The following TUSC3 variants were observed in gnomAD, a reference collection of about 807,000 sequenced individuals.
TUSC3 encodes dolichyl-diphosphooligosaccharide--protein glycosyltransferase subunit TUSC3.
TUSC3 carries 45 observed loss-of-function variants against 44.8 expected under a neutral mutation model. That is an observed-to-expected ratio of 1.00 (90% CI 0.79 to 1.29). The LOEUF (loss-of-function observed/expected upper bound fraction) is 1.29, where lower values mean the gene tolerates loss of function less well. Ranked by LOEUF, TUSC3 falls within the 50% of genes most tolerant of loss-of-function variation. The probability of loss-of-function intolerance (pLI) is 0.00; values close to 1 mark genes in which losing one functional copy is unlikely to be tolerated. For missense variants in TUSC3, 519 were observed against 437.9 expected (o/e 1.19, Z -1.65); for synonymous variants, 212 against 152.9 (o/e 1.39, Z -2.85).
chr8:15,623,823 T>C (rs1805364195), intron 2 of TUSC3, among the ~76,000 whole-genome samples: 2 of 152,142 alleles, frequency 1.3e-5, no homozygotes, highest in African/African-American at 4.8e-5. Context: ...TTTTACCCAG[T>C]TTCCTCCAGT....
At chr8:15,572,137 C>T (rs1330045880) in intron 1 of TUSC3, among the ~76,000 whole-genome samples, 3 of 152,170 alleles carry the variant, frequency 2.0e-5, no homozygotes, top group African/African-American at 7.2e-5. Flanking sequence ...GCCATGGCAT[C>T]GCCTTCCAGT....
intron 2 of TUSC3, among the ~76,000 whole-genome samples, chr8:15,506,824 T>C (rs1801058182): frequency 6.6e-6 from 1 of 152,050 alleles, no homozygotes; most frequent in South Asian, 2.1e-4. Flanking sequence ...TCACAGCCAT[T>C]CCAGAAAGGG....
At chr8:15,751,152 T>C (rs138132945) in intron 9 of TUSC3, among the ~76,000 whole-genome samples, 444 of 152,270 alleles carry the variant, frequency 2.9e-3, no homozygotes, top group Non-Finnish European at 5.4e-3. Flanking sequence ...GGTTGCTCTG[T>C]TAGGCAACTT....
intron 6 of TUSC3, among the ~76,000 whole-genome samples, chr8:15,722,866 C>T (rs1810356466): frequency 6.6e-6 from 1 of 151,768 alleles, no homozygotes; most frequent in South Asian, 2.1e-4. Flanking sequence ...AGAAGTTTTC[C>T]CTGAATATAT....
intron 1 of TUSC3, among the ~76,000 whole-genome samples, chr8:15,470,980 A>AATGT (rs1800484747): frequency 6.6e-6 from 1 of 152,188 alleles, no homozygotes; most frequent in African/African-American, 2.4e-5. Flanking sequence ...TGAATGAATG[A>AATGT]ATAAAAATTA....
chr8:15,754,730 T>A (rs1045960956), intron 9 of TUSC3, among the ~76,000 whole-genome samples: 1 of 152,180 alleles, frequency 6.6e-6, no homozygotes, highest in Non-Finnish European at 1.5e-5. Context: ...ACCACTGATA[T>A]ACAGGACTGT....
rs938129353 is a variant in TUSC3, at chr8:15,532,671, A to C, written n.189+49188A>C. Among the ~76,000 whole-genome samples, 5 of 152,176 alleles carry C rather than the reference A, an allele frequency of 3.3e-5. No homozygotes were observed. In the East Asian group the frequency reaches 9.6e-4, roughly 29 times the overall value. On this transcript the variant is annotated intron_variant and non_coding_transcript_variant, in intron 2 of 5. Transcript: ENST00000503191. Reference sequence around the variant, plus strand: ...TGATATGGTTTGGTTCTGTGTCCCCACCCAAATCTCATCTGTAGCTCCCAT... The same window carrying C: ...TGATATGGTTTGGTTCTGTGTCCCCCCCCAAATCTCATCTGTAGCTCCCAT...
intron 1 of TUSC3, among the ~76,000 whole-genome samples, chr8:15,608,909 T>A (rs1804646998): frequency 6.6e-6 from 1 of 152,108 alleles, no homozygotes; most frequent in African/African-American, 2.4e-5. Flanking sequence ...CCAAAAGAAA[T>A]CTTTGATTCT....
At chr8:15,581,830 C>T (rs1380749600) in intron 1 of TUSC3, among the ~76,000 whole-genome samples, 2 of 125,002 alleles carry the variant, frequency 1.6e-5, no homozygotes, top group Non-Finnish European at 3.2e-5. Flanking sequence ...CCTCCTTGAG[C>T]TGTGGTGGGC....
chr8:15,742,287 T>A (rs1345570325), intron 7 of TUSC3, among the ~76,000 whole-genome samples: 1 of 141,022 alleles, frequency 7.1e-6, no homozygotes, highest in Non-Finnish European at 1.6e-5. Flanking sequence ...TTCTTTATTT[T>A]CCTTTTTTCT....
At chr8:15,657,081 G>A (rs1020299919) in intron 3 of TUSC3, among the ~76,000 whole-genome samples, 1 of 152,124 alleles carries the variant, frequency 6.6e-6, no homozygotes, top group African/African-American at 2.4e-5. Context: ...GCTCTGAAAT[G>A]CCTTCAGGGT....
chr8:15,679,506 C>T (rs1193478542), intron 6 of TUSC3, among the ~76,000 whole-genome samples: 1 of 152,088 alleles, frequency 6.6e-6, no homozygotes, highest in Non-Finnish European at 1.5e-5. Flanking sequence ...AGTCCTTTAT[C>T]AGATACATAG....
At chr8:15,443,336 TTGTGTGTGTGTGTGTG>T (rs57905950) in intron 1 of TUSC3, among the ~76,000 whole-genome samples, 235 of 132,996 alleles carry the variant, frequency 1.8e-3, no homozygotes, top group African/African-American at 5.5e-3. Context: ...ACCCACCTAA[TTGTGTGTGTGTGTGTG>T]TGTGTGTGTG....
At chr8:15,575,630 G>A (rs1024053091) in intron 1 of TUSC3, among the ~76,000 whole-genome samples, 1 of 152,034 alleles carries the variant, frequency 6.6e-6, no homozygotes, top group African/African-American at 2.4e-5. Flanking sequence ...AATTGAGAAT[G>A]GTGGCGGGCA....
intron 6 of TUSC3, among the ~76,000 whole-genome samples, chr8:15,719,047 C>T (rs1360457287): frequency 6.6e-6 from 1 of 152,072 alleles, no homozygotes; most frequent in Non-Finnish European, 1.5e-5. Flanking sequence ...TTTACGTCAT[C>T]AGCATCTTTT....
At chr8:15,530,211 C>G (rs1310750960) in intron 2 of TUSC3, among the ~76,000 whole-genome samples, 1 of 151,970 alleles carries the variant, frequency 6.6e-6, no homozygotes, top group Non-Finnish European at 1.5e-5. Flanking sequence ...GACAGTTTGA[C>G]AAGTCACTGA....
the TUSC3 span, among the ~76,000 whole-genome samples, chr8:15,780,592 A>G: frequency 6.6e-6 from 1 of 152,198 alleles, no homozygotes. Context: ...GCTGCTGACC[A>G]TTAGCTTCTG....
chr8:15,487,345 T>C (rs1800746551), intron 2 of TUSC3, among the ~76,000 whole-genome samples: 1 of 152,182 alleles, frequency 6.6e-6, no homozygotes, highest in African/African-American at 2.4e-5. Flanking sequence ...CCTTCTGCTG[T>C]GTTCATCAGT....
intron 2 of TUSC3, among the ~76,000 whole-genome samples, chr8:15,635,095 G>T (rs189238973): frequency 6.6e-5 from 10 of 152,140 alleles, no homozygotes; most frequent in African/African-American, 2.4e-4. Flanking sequence ...GCCACCCAGG[G>T]GATATATTGG....
Sources: allele counts gnomAD v4.1 joint callset (sites outside exome capture counted in the v4.1 genomes callset), GRCh38; gene constraint gnomAD v4.1.1; transcripts MANE v1.5; gene names NCBI Gene and HGNC (gene_info 2026-07-23, HGNC 2026-07-21).